MRTFA: variants seen among roughly 807,000 people sequenced by gnomAD.
The protein encoded by MRTFA is myocardin-related transcription factor A.
Under a neutral mutation model 83.5 loss-of-function variants are expected in MRTFA, and 20 were observed. The observed-to-expected ratio is 0.24, with a 90% CI of 0.17 to 0.35. The LOEUF (loss-of-function observed/expected upper bound fraction) is 0.35. MRTFA is among the 10% of genes least tolerant of loss of function. The pLI, the probability that MRTFA is intolerant of heterozygous loss-of-function variation, is 1.00. For missense variants in MRTFA, 1,200 were observed against 1,224.7 expected (o/e 0.98, Z 0.30); for synonymous variants, 659 against 541.2 (o/e 1.22, Z -3.02).
intron 1 of MRTFA, among the ~76,000 whole-genome samples, chr22:40,627,845 C>T (rs950182042): frequency 2.0e-5 from 3 of 152,218 alleles, no homozygotes; most frequent in East Asian, 3.9e-4. Flanking sequence ...TGATGGCACA[C>T]GCCTATAGTC....
At chr22:40,527,562 C>T (rs999030362) in intron 3 of MRTFA, among the ~76,000 whole-genome samples, 22 of 151,804 alleles carry the variant, frequency 1.4e-4, no homozygotes, top group African/African-American at 4.8e-4. Flanking sequence ...TCGAGACTAT[C>T]CTGGCTAACA....
intron 2 of MRTFA, among the ~76,000 whole-genome samples, chr22:40,592,456 TAA>T (rs1195055673): frequency 4.5e-5 from 6 of 132,004 alleles, no homozygotes; most frequent in East Asian, 2.2e-4. Flanking sequence ...TCTCTTAACT[TAA>T]AAAAAAAAAA....
intron 4 of MRTFA, among the ~76,000 whole-genome samples, chr22:40,436,490 C>T (rs2053172084): frequency 6.6e-6 from 1 of 152,170 alleles, no homozygotes; most frequent in Non-Finnish European, 1.5e-5. Flanking sequence ...ACACAACCGA[C>T]AGCTGAGACG....
In MRTFA at chr22:40,418,772, C is replaced by G; in HGVS notation, c.1966G>C (p.Glu656Gln). 1.9e-6 allele frequency: 3 copies of G among 1,566,626 alleles called. No individual in the cohort carries two copies. The highest frequency in any genetic ancestry group is 2.6e-6 in the Non-Finnish European group (3 of 1,162,536). Residue 656 changes from glutamate (E) to glutamine (Q), a missense_variant, in exon 12 of 15, where the codon GAG becomes CAG. Around this residue, in one of 2 missense-constraint regions of MRTFA, gnomAD observed 1,107 missense variants for 1,041.8 expected, o/e 1.06. Transcript: ENST00000355630. ...GGCTGCTGGGCTCGCTTCTCCTGCTCCAGCTGCAGCTTGAGCCGCTCCACC... is the reference window on the plus strand; with the variant it reads ...GGCTGCTGGGCTCGCTTCTCCTGCTGCAGCTGCAGCTTGAGCCGCTCCACC...
chr22:40,606,504 C>T lies in MRTFA; in HGVS notation c.-83-11769G>A, dbSNP rs186787491. 1.1e-3 allele frequency among the ~76,000 whole-genome samples: 172 copies of T among 152,324 alleles called. 1 individual carries two copies. The highest frequency in any genetic ancestry group is 2.7e-3 in the South Asian group (13 of 4,832). Reference sequence around the variant, plus strand: ...GAGGACAGAGCCCCAGGAGTTTACACTGTCTCAAGGTCACATAGCTATTAA... The same window carrying T: ...GAGGACAGAGCCCCAGGAGTTTACATTGTCTCAAGGTCACATAGCTATTAA... On this transcript the variant is annotated intron_variant, in intron 1 of 14. Coordinates refer to ENST00000355630, the MANE Select transcript of MRTFA (RefSeq NM_020831.6).
intron 3 of MRTFA, among the ~76,000 whole-genome samples, chr22:40,466,522 G>C (rs2147159121): frequency 6.6e-6 from 1 of 152,290 alleles, no homozygotes; most frequent in South Asian, 2.1e-4. Flanking sequence ...AAAAAGGAGA[G>C]CCAAGCAGGA....
At chr22:40,421,637 C>T (rs1162619433) in intron 9 of MRTFA, among the ~76,000 whole-genome samples, 1 of 152,196 alleles carries the variant, frequency 6.6e-6, no homozygotes, top group Non-Finnish European at 1.5e-5. Flanking sequence ...CCAAAAGCTC[C>T]TATTCATGCC....
chr22:40,487,168 A>G (rs2054187348), intron 3 of MRTFA, among the ~76,000 whole-genome samples: 1 of 152,212 alleles, frequency 6.6e-6, no homozygotes, highest in African/African-American at 2.4e-5. Flanking sequence ...ATCACCTCTC[A>G]GTGTATGCAG....
At chr22:40,479,319 A>G (rs1365707291) in intron 3 of MRTFA, among the ~76,000 whole-genome samples, 3 of 152,136 alleles carry the variant, frequency 2.0e-5, no homozygotes, top group African/African-American at 7.2e-5. Flanking sequence ...CCCACTCACT[A>G]TGTAAACATC....
At chr22:40,462,702 C>A (rs930322154) in intron 4 of MRTFA, among the ~76,000 whole-genome samples, 1 of 152,180 alleles carries the variant, frequency 6.6e-6, no homozygotes, top group South Asian at 2.1e-4. Context: ...GCCGTGATAG[C>A]GCCATCAACG....
intron 3 of MRTFA, chr22:40,533,778 G>T: frequency 2.3e-6 from 1 of 435,662 alleles, no homozygotes; most frequent in Non-Finnish European, 3.8e-6. Flanking sequence ...CCTTCTCAGT[G>T]CAGTTACCAA....
In MRTFA at chr22:40,562,059, A is replaced by C. The variant is rs147687470; in HGVS notation, c.-21-9692T>G. Among the ~76,000 whole-genome samples, 107 of 152,248 alleles carry C rather than the reference A, an allele frequency of 7.0e-4. 1 individual carries two copies. The East Asian group carries it at 0.019, about 27-fold the overall frequency. On this transcript the variant is annotated intron_variant, in intron 2 of 14. Coordinates refer to ENST00000355630, the MANE Select transcript of MRTFA (RefSeq NM_020831.6). Reference sequence around the variant, plus strand: ...GTAAAACCTCAACTCTACAAAAAATACAAAAAAATTAGCCGGACGTGGTGG... The same window carrying C: ...GTAAAACCTCAACTCTACAAAAAATCCAAAAAAATTAGCCGGACGTGGTGG...
chr22:40,538,941 T>C (rs1473086244), intron 3 of MRTFA, among the ~76,000 whole-genome samples: 2 of 151,658 alleles, frequency 1.3e-5, no homozygotes, highest in South Asian at 2.1e-4. Flanking sequence ...CTACAGTCTC[T>C]ATTAATTCAC....
chr22:40,613,358 A>G (rs1303050182), intron 1 of MRTFA, among the ~76,000 whole-genome samples: 2 of 152,172 alleles, frequency 1.3e-5, no homozygotes, highest in Non-Finnish European at 2.9e-5. Flanking sequence ...CAAACACCTA[A>G]GAGTAGTATT....
intron 12 of MRTFA, chr22:40,417,760 G>A (rs2052717107): frequency 1.3e-5 from 6 of 464,426 alleles, no homozygotes; most frequent in African/African-American, 3.9e-5. Context: ...TGAGATTTCT[G>A]CAGCTTCTTT....
At chr22:40,588,982 CAG>C (rs2056074180) in intron 2 of MRTFA, among the ~76,000 whole-genome samples, 1 of 151,504 alleles carries the variant, frequency 6.6e-6, no homozygotes, top group Admixed American at 6.6e-5. Context: ...GACCTTGTCT[CAG>C]GGGAAAAAAA....
At chr22:40,570,330 C>T (rs1041242310) in intron 2 of MRTFA, among the ~76,000 whole-genome samples, 1 of 151,958 alleles carries the variant, frequency 6.6e-6, no homozygotes, top group African/African-American at 2.4e-5. Flanking sequence ...AATCCCAGCA[C>T]TTTGGGAGGC....
intron 1 of MRTFA, among the ~76,000 whole-genome samples, chr22:40,624,507 G>T (rs1363315538): frequency 6.6e-6 from 1 of 151,858 alleles, no homozygotes; most frequent in Non-Finnish European, 1.5e-5. Flanking sequence ...ATAGAGCCAG[G>T]ATTAAAAACA....
At chr22:40,497,492 C>A (rs192648764) in intron 3 of MRTFA, among the ~76,000 whole-genome samples, 3 of 152,308 alleles carry the variant, frequency 2.0e-5, no homozygotes. Context: ...GGCTGGCTCA[C>A]GCCTGTAATC....
Sources: allele counts gnomAD v4.1 joint callset (sites outside exome capture counted in the v4.1 genomes callset), GRCh38; gene constraint gnomAD v4.1.1; regional missense constraint gnomAD v4.1.1; transcripts MANE v1.5; gene names NCBI Gene and HGNC (gene_info 2026-07-23, HGNC 2026-07-21).